P2RX5: variants seen among roughly 807,000 people sequenced by gnomAD.
P2RX5 encodes P2X purinoceptor 5.
A neutral mutation model predicts 54.1 loss-of-function variants in P2RX5; 46 were observed. The observed-to-expected ratio is 0.85, with a 90% CI of 0.67 to 1.09. P2RX5 has a LOEUF of 1.09. Among genes scored for constraint, P2RX5 ranks in the 50% least tolerant of loss-of-function variants. The probability of loss-of-function intolerance (pLI) is 0.00; values close to 1 mark genes in which losing one functional copy is unlikely to be tolerated. For missense variants in P2RX5, 566 were observed against 549.8 expected (o/e 1.03, Z -0.29); for synonymous variants, 226 against 226.4 (o/e 1.00, Z 0.02).
chr17:3,684,835 C>CTT (rs138123642), intron 9 of P2RX5, among the ~76,000 whole-genome samples: 3 of 86,708 alleles, frequency 3.5e-5, no homozygotes, highest in African/African-American at 1.2e-4. Context: ...ATCCTGCCCC[C>CTT]TTTTTTTTTT....
chr17:3,723,828 G>C, the P2RX5 span: 4 of 1,556,800 alleles, frequency 2.6e-6, no homozygotes, highest in Non-Finnish European at 3.5e-6. Context: ...CCCTGGCGAG[G>C]TGCGCATGCG....
chr17:3,711,131 G>A, the P2RX5 span, among the ~76,000 whole-genome samples: 6 of 152,284 alleles, frequency 3.9e-5, no homozygotes, highest in East Asian at 1.2e-3. Flanking sequence ...CTAAAAGGCA[G>A]CTTGTAGAAG....
intron 10 of P2RX5, 32 bp from the exon 11 acceptor site, chr17:3,679,816 G>A (rs570213633): frequency 1.7e-5 from 27 of 1,588,916 alleles, no homozygotes; most frequent in East Asian, 8.9e-5. Context: ...CACCTGGGAC[G>A]GCCCTGCAGG....
intron 11 of P2RX5, 139 bp downstream of exon 11, chr17:3,679,451 T>C: frequency 1.3e-6 from 1 of 746,074 alleles, no homozygotes; most frequent in Non-Finnish European, 2.2e-6. Context: ...GCTCTCCCAG[T>C]TCCTAGATGT....
rs770700728 is a variant in P2RX5 at position 3,689,503 on chromosome 17, T to C, written c.742A>G (p.Ile248Val). The C allele has an allele frequency of 1.2e-6, 2 of 1,614,004 alleles. No individual in the cohort carries two copies. Among genetic ancestry groups the C allele is most frequent in the Admixed American group, 1.7e-5 (1 of 60,022 alleles). The change falls in exon 7 of 12, where the codon ATA becomes GTA. Residue 248 changes from isoleucine (I) to valine (V), a missense_variant. Ile to Val is a conservative substitution (Grantham distance 29). Coordinates refer to ENST00000225328, the MANE Select transcript of P2RX5 (RefSeq NM_002561.4). ...IRWAGSDFQD[I>V]ALEGGVIGIN... ...TGCACCCCACCCACCTCCAGGGCTA[T>C]ATCCTGGAAGTCGCTCCCGGCCCAG...
At chr17:3,720,332 A>T in the P2RX5 span, 4 of 1,582,820 alleles carry the variant, frequency 2.5e-6, no homozygotes, top group Non-Finnish European at 3.5e-6. Flanking sequence ...CTCTGCATTC[A>T]GTCCCTCATA....
intron 11 of P2RX5, chr17:3,676,181 T>C: frequency 1.0e-6 from 1 of 985,442 alleles, no homozygotes; most frequent in Non-Finnish European, 1.2e-6. Context: ...TTTCTCACCT[T>C]GGGTTTACGG....
chr17:3,685,651 T>TCCCCCCGCCCC, intron 9 of P2RX5: 1 of 35,364 alleles, frequency 2.8e-5, no homozygotes, highest in South Asian at 1.9e-3. Flanking sequence ...CCTCCCAGCG[T>TCCCCCCGCCCC]CCCCCTCCCA....
At chr17:3,714,796 G>C in the P2RX5 span, 13 of 999,832 alleles carry the variant, frequency 1.3e-5, no homozygotes, top group Non-Finnish European at 1.9e-5. Flanking sequence ...AGGATGCTGG[G>C]TCTCCAAGTC....
chr17:3,699,052 G>GACAGACAC (rs1555571232), upstream of P2RX5, among the ~76,000 whole-genome samples: 33 of 40,886 alleles, frequency 8.1e-4, no homozygotes, highest in African/African-American at 1.4e-3. Context: ...TATATAGACA[G>GACAGACAC]ACACACACAC....
At chr17:3,714,743 C>T in the P2RX5 span, 1 of 646,850 alleles carries the variant, frequency 1.5e-6, no homozygotes, top group Admixed American at 2.9e-5. Flanking sequence ...CTACCAACAG[C>T]TCCATGCTGC....
chr17:3,676,135 A>G, intron 11 of P2RX5: 1 of 985,524 alleles, frequency 1.0e-6, no homozygotes, highest in Non-Finnish European at 1.2e-6. Context: ...CTTTTCTGCC[A>G]GGTGGCTCGG....
the P2RX5 span, chr17:3,720,571 A>T: frequency 1.1e-5 from 5 of 442,158 alleles, no homozygotes; most frequent in Non-Finnish European, 1.6e-5. Context: ...ATCTGCAGTT[A>T]TTCTTCAACT....
At chr17:3,723,829 T>A in the P2RX5 span, 3 of 1,552,022 alleles carry the variant, frequency 1.9e-6, no homozygotes, top group Non-Finnish European at 2.6e-6. Context: ...CCTGGCGAGG[T>A]GCGCATGCGC....
chr17:3,718,254 G>C, the P2RX5 span: 1 of 152,220 alleles, frequency 6.6e-6, no homozygotes, highest in Non-Finnish European at 1.5e-5. Flanking sequence ...GATGTCTCCT[G>C]GGAGCTTTTG....
the P2RX5 span, chr17:3,723,804 C>A: frequency 1.3e-6 from 2 of 1,588,462 alleles, no homozygotes; most frequent in African/African-American, 2.7e-5. Context: ...TTTTCCGTCC[C>A]GTCCCGGCCC....
chr17:3,723,309 G>A, the P2RX5 span: 1 of 1,612,614 alleles, frequency 6.2e-7, no homozygotes, highest in Non-Finnish European at 8.5e-7. Context: ...GATCCCAGGA[G>A]ATCTCTGCAG....
the P2RX5 span, chr17:3,720,397 T>C: frequency 1.4e-6 from 2 of 1,445,990 alleles, no homozygotes; most frequent in Non-Finnish European, 1.9e-6. Flanking sequence ...TTACATCTTT[T>C]AGTAACTAGA....
the P2RX5 span, among the ~76,000 whole-genome samples, chr17:3,702,288 C>A: frequency 2.0e-5 from 3 of 152,126 alleles, no homozygotes; most frequent in Admixed American, 6.6e-5. Flanking sequence ...TAAAAGCGCA[C>A]CAATCAGCAT....
Sources: gnomAD v4.1 joint callset for allele counts (sites outside exome capture counted in the v4.1 genomes callset) on GRCh38, gnomAD v4.1.1 for gene constraint, MANE v1.5 for transcripts, NCBI Gene and HGNC (gene_info 2026-07-23, HGNC 2026-07-21) for gene names.